DPP10: variants seen among roughly 807,000 people sequenced by gnomAD.
DPP10 encodes inactive dipeptidyl peptidase 10.
In DPP10, 33 loss-of-function variants were observed where a neutral mutation model predicts 120.9. The ratio of observed to expected loss-of-function variants is 0.27; its 90% CI spans 0.21 to 0.37. The LOEUF is 0.37. Ranked by LOEUF, DPP10 falls within the 10% of genes least tolerant of loss-of-function variation. DPP10 has a pLI of 1.00. For synonymous variants in DPP10, 337 were observed against 326.1 expected (o/e 1.03, Z -0.36); for missense variants, 816 against 942.8 (o/e 0.87, Z 1.76).
chr2:115,509,021 G>T (rs2077090966), intron 4 of DPP10, among the ~76,000 whole-genome samples: 1 of 152,156 alleles, frequency 6.6e-6, no homozygotes, highest in East Asian at 1.9e-4. Context: ...AGAATGCCAT[G>T]GTAGTGGGAG....
chr2:114,511,848 A>G (rs536219541), intron 1 of DPP10, among the ~76,000 whole-genome samples: 1 of 152,260 alleles, frequency 6.6e-6, no homozygotes, highest in South Asian at 2.1e-4. Flanking sequence ...CCAGAACAGA[A>G]CACTTCCTCC....
chr2:115,119,948 A>G (rs2049735861), intron 1 of DPP10, among the ~76,000 whole-genome samples: 1 of 152,128 alleles, frequency 6.6e-6, no homozygotes, highest in South Asian at 2.1e-4. Flanking sequence ...GTTCTCATAA[A>G]CTGGAAGTTC....
chr2:114,633,826 A>C (rs1695124147), intron 1 of DPP10, among the ~76,000 whole-genome samples: 1 of 151,446 alleles, frequency 6.6e-6, no homozygotes, highest in African/African-American at 2.4e-5. Context: ...TGTTAGCCAG[A>C]CTGGTCTTGA....
chr2:115,301,380 A>G (rs1156261574), intron 1 of DPP10, among the ~76,000 whole-genome samples: 1 of 151,818 alleles, frequency 6.6e-6, no homozygotes, highest in Non-Finnish European at 1.5e-5. Context: ...CCAGTCCCTC[A>G]GGCAGCCCAC....
At chr2:114,601,880 T>C (rs894541883) in intron 1 of DPP10, among the ~76,000 whole-genome samples, 7 of 151,898 alleles carry the variant, frequency 4.6e-5, no homozygotes, top group Admixed American at 1.3e-4. Context: ...ATCTTGTTGA[T>C]TGGGGGAAAA....
chr2:115,143,699 C>T (rs2051053597), intron 1 of DPP10, among the ~76,000 whole-genome samples: 1 of 152,108 alleles, frequency 6.6e-6, no homozygotes, highest in African/African-American at 2.4e-5. Context: ...GTCTCCTAGA[C>T]CTTAGGTCAT....
chr2:115,457,147 G>A (rs1260820499), intron 3 of DPP10, among the ~76,000 whole-genome samples: 1 of 151,554 alleles, frequency 6.6e-6, no homozygotes, highest in Non-Finnish European at 1.5e-5. Context: ...TAAAAAAATA[G>A]CAAGGCAATT....
chr2:115,311,707 C>T (rs949424114), intron 2 of DPP10, among the ~76,000 whole-genome samples: 8 of 152,114 alleles, frequency 5.3e-5, no homozygotes. Flanking sequence ...CACAGCCCCC[C>T]AACTCAGACT....
At chr2:115,004,740 G>T (rs1377126649) in intron 1 of DPP10, among the ~76,000 whole-genome samples, 1 of 152,158 alleles carries the variant, frequency 6.6e-6, no homozygotes, top group Non-Finnish European at 1.5e-5. Flanking sequence ...CTCACTGATT[G>T]CTAGCACAGC....
chr2:114,450,036 A>G (rs1458671536), intron 1 of DPP10, among the ~76,000 whole-genome samples: 1 of 152,146 alleles, frequency 6.6e-6, no homozygotes, highest in Non-Finnish European at 1.5e-5. Flanking sequence ...TAGTCATCCC[A>G]GTGCTGTGCT....
intron 7 of DPP10, among the ~76,000 whole-genome samples, chr2:115,707,467 C>T (rs2092160673): frequency 6.8e-6 from 1 of 146,128 alleles, no homozygotes; most frequent in African/African-American, 2.7e-5. Context: ...CACACACTCT[C>T]TCCACATTTT....
At chr2:114,745,427 A>C (rs1678488514) in intron 1 of DPP10, among the ~76,000 whole-genome samples, 3 of 152,258 alleles carry the variant, frequency 2.0e-5, no homozygotes, top group Non-Finnish European at 4.4e-5. Context: ...AAGAAAATAA[A>C]AGGAACATAT....
intron 1 of DPP10, among the ~76,000 whole-genome samples, chr2:115,270,029 A>T (rs71418543): frequency 6.7e-6 from 1 of 148,590 alleles, no homozygotes; most frequent in Non-Finnish European, 1.5e-5. Flanking sequence ...CTAGTGGATA[A>T]CCTAATTCCT....
At chr2:114,884,975 T>A (rs748725816) in intron 1 of DPP10, among the ~76,000 whole-genome samples, 3 of 152,204 alleles carry the variant, frequency 2.0e-5, no homozygotes, top group Non-Finnish European at 4.4e-5. Flanking sequence ...GACAAGCCTT[T>A]GTCAAACCAG....
intron 3 of DPP10, among the ~76,000 whole-genome samples, chr2:115,346,973 T>G (rs1040575582): frequency 6.6e-5 from 10 of 152,174 alleles, no homozygotes; most frequent in African/African-American, 2.4e-4. Context: ...AATCTCATTT[T>G]AACAGACCTC....
intron 1 of DPP10, among the ~76,000 whole-genome samples, chr2:114,677,324 A>G (rs1295115705): frequency 6.6e-6 from 1 of 152,150 alleles, no homozygotes; most frequent in East Asian, 1.9e-4. Context: ...TACTCAAGTT[A>G]TTATTTTATA....
intron 1 of DPP10, among the ~76,000 whole-genome samples, chr2:115,090,021 T>C (rs1011923358): frequency 6.6e-6 from 1 of 151,976 alleles, no homozygotes; most frequent in African/African-American, 2.4e-5. Context: ...GCCCAGTAAA[T>C]GATTCAGTGG....
intron 1 of DPP10, among the ~76,000 whole-genome samples, chr2:115,207,486 A>C (rs2056226306): frequency 6.7e-6 from 1 of 148,576 alleles, no homozygotes; most frequent in African/African-American, 2.5e-5. Context: ...CCGTTTAGTC[A>C]AATGTTTGAG....
chr2:115,425,910 G>A (rs1490513893), intron 3 of DPP10, among the ~76,000 whole-genome samples: 1 of 152,182 alleles, frequency 6.6e-6, no homozygotes, highest in Non-Finnish European at 1.5e-5. Context: ...GAGCAAGGAA[G>A]AAAGGGGAAG....
Sources: gnomAD v4.1 joint callset for allele counts (sites outside exome capture counted in the v4.1 genomes callset) on GRCh38, gnomAD v4.1.1 for gene constraint, MANE v1.5 for transcripts, NCBI Gene and HGNC (gene_info 2026-07-23, HGNC 2026-07-21) for gene names.